SRGAP2C: variants seen among roughly 807,000 people sequenced by gnomAD.
The protein encoded by SRGAP2C is SLIT-ROBO Rho GTPase activating protein 2C, also known as SLIT-ROBO Rho GTPase-activating protein 2C.
SRGAP2C carries 15 observed loss-of-function variants against 25.1 expected under a neutral mutation model. The observed-to-expected ratio is 0.60, with a 90% CI of 0.40 to 0.92. The LOEUF is 0.92. Among genes scored for constraint, SRGAP2C ranks in the 40% least tolerant of loss-of-function variants. SRGAP2C has a pLI of 0.00. For synonymous variants in SRGAP2C, 44 were observed against 96.6 expected, an observed-to-expected ratio of 0.46 and a Z score of 3.19; for missense variants, 144 against 264.4, an observed-to-expected ratio of 0.54 and a Z score of 3.16.
At chr1:121,258,174 A>G (rs1656525161) in intron 2 of SRGAP2C, among the ~76,000 whole-genome samples, 1 of 151,272 alleles carries the variant, frequency 6.6e-6, no homozygotes, top group Admixed American at 6.6e-5. Flanking sequence ...GTGGCCTGAA[A>G]TCCTTTCTGG....
chr1:121,328,447 T>G (rs1658360828), intron 4 of SRGAP2C, among the ~76,000 whole-genome samples: 1 of 152,176 alleles, frequency 6.6e-6, no homozygotes, highest in South Asian at 2.1e-4. Context: ...GAAGTCATTA[T>G]ATTTTGAACC....
chr1:121,191,647 G>T lies in SRGAP2C; in HGVS notation c.67+4134G>T, dbSNP rs1654680447. Among the ~76,000 whole-genome samples, 6 of 151,872 alleles carry T rather than the reference G, an allele frequency of 4.0e-5. No homozygotes were observed. In the South Asian group the frequency reaches 1.0e-3, roughly 26 times the overall value. On this transcript the variant is annotated intron_variant, in intron 2 of 9. Transcript: ENST00000367123. ...TAAGGTGCAGGGCATGGTTACCAGGGTTGTGAATCTGGGTGGTATTTGGGT... is the reference window on the plus strand; with the variant it reads ...TAAGGTGCAGGGCATGGTTACCAGGTTTGTGAATCTGGGTGGTATTTGGGT...
At position 121,392,241 on chromosome 1, in the gene SRGAP2C, G is replaced by A. The variant is rs1373041286; in HGVS notation, c.*4386G>A. 1 of 152,158 alleles carries A rather than the reference G, an allele frequency of 6.6e-6. No homozygotes were observed. Among genetic ancestry groups the A allele is most frequent in the African/African-American group, 2.4e-5 (1 of 41,452 alleles). The allele number at this position is 152,158 out of a possible 1,614,324, so 9.4% of individuals were successfully genotyped here. A position where few individuals can be genotyped will look rare whatever the true frequency, so the allele number is the denominator to read the frequency against. On this transcript the variant is annotated 3_prime_UTR_variant, in exon 10 of 10. Coordinates refer to ENST00000367123, the MANE Select transcript of SRGAP2C (RefSeq NM_001329984.2). ...TTCATATTCTAGAAGGATAAATTAT[G>A]TTGTTAAAAAGTTTACCATTCTTTC... is the stretch of plus-strand genomic sequence containing the variant.
Position 121,365,428 on chromosome 1 carries a change from C to T in SRGAP2C, c.486+73C>T, listed in dbSNP as rs1659294078. ...CATTTGGCAGCTTGCAGCCATAGTA[C>T]ATCAGCAACAGAACTGAACTGAGGT... On this transcript the variant is annotated intron_variant, in intron 5 of 9. Coordinates refer to ENST00000367123, the MANE Select transcript of SRGAP2C (RefSeq NM_001329984.2). 2 of 458,594 alleles carry T rather than the reference C, an allele frequency of 4.4e-6. 1 individual carries two copies. The highest frequency in any genetic ancestry group is 7.5e-6 in the Non-Finnish European group (2 of 266,898). 28.4% of individuals were successfully genotyped at this position (458,594 alleles called of 1,614,324 possible).
chr1:121,213,934 A>G (rs587702587), intron 2 of SRGAP2C, among the ~76,000 whole-genome samples: 1 of 143,560 alleles, frequency 7.0e-6, no homozygotes, highest in South Asian at 2.1e-4. Flanking sequence ...TTGTGCTTTT[A>G]AAAATGGGTC....
At chr1:121,328,223 A>T (rs1392968320) in intron 4 of SRGAP2C, among the ~76,000 whole-genome samples, 1 of 151,878 alleles carries the variant, frequency 6.6e-6, no homozygotes, top group African/African-American at 2.4e-5. Flanking sequence ...CATAAAATAG[A>T]TATGTTTTAC....
chr1:121,376,977 A>T (rs1252676765), intron 7 of SRGAP2C, among the ~76,000 whole-genome samples: 1 of 151,406 alleles, frequency 6.6e-6, no homozygotes, highest in African/African-American at 2.4e-5. Flanking sequence ...CGAAATACTG[A>T]TCTCAGGGGA....
intron 2 of SRGAP2C, among the ~76,000 whole-genome samples, chr1:121,222,851 G>A (rs1226702173): frequency 4.6e-5 from 7 of 151,160 alleles, no homozygotes; most frequent in African/African-American, 7.3e-5. Flanking sequence ...GTAGAGCAGA[G>A]GAGCTAAACG....
intron 4 of SRGAP2C, among the ~76,000 whole-genome samples, chr1:121,336,097 A>G (rs1440934002): frequency 6.6e-6 from 1 of 152,174 alleles, no homozygotes; most frequent in Non-Finnish European, 1.5e-5. Flanking sequence ...CAAGATGTTT[A>G]TCAAGCCCCT....
chr1:121,278,211 T>C (rs1418411930), intron 2 of SRGAP2C, among the ~76,000 whole-genome samples: 5 of 151,962 alleles, frequency 3.3e-5, no homozygotes, highest in African/African-American at 9.7e-5. Context: ...CTTCCCAAAG[T>C]CCTGGGATTA....
intron 2 of SRGAP2C, among the ~76,000 whole-genome samples, chr1:121,261,094 ATT>A (rs1211026484): frequency 0.028 from 737 of 25,970 alleles, no homozygotes; most frequent in Middle Eastern, 0.056. Context: ...ACACCTGGCT[ATT>A]TTTTTTTTTT....
chr1:121,328,889 T>TAAAAA (rs1300958463), intron 4 of SRGAP2C, among the ~76,000 whole-genome samples: 12 of 75,198 alleles, frequency 1.6e-4, no homozygotes, highest in African/African-American at 4.6e-4. Flanking sequence ...CCTGTCTGTT[T>TAAAAA]AAAAAAAAAA....
intron 3 of SRGAP2C, among the ~76,000 whole-genome samples, chr1:121,306,102 C>A (rs1553339394): frequency 6.6e-6 from 1 of 152,102 alleles, no homozygotes; most frequent in Non-Finnish European, 1.5e-5. Context: ...AAGGCTGGGA[C>A]CTCTGTGTCT....
At chr1:121,222,067 G>T (rs1655540380) in intron 2 of SRGAP2C, among the ~76,000 whole-genome samples, 2 of 151,776 alleles carry the variant, frequency 1.3e-5, no homozygotes, top group South Asian at 4.2e-4. Flanking sequence ...AAAACCTCTG[G>T]CCTTAGAGGC....
At chr1:121,263,322 T>C (rs1656674997) in intron 2 of SRGAP2C, among the ~76,000 whole-genome samples, 1 of 146,932 alleles carries the variant, frequency 6.8e-6, no homozygotes, top group Non-Finnish European at 1.5e-5. Context: ...AGACTCTGTC[T>C]CAAAAAACAA....
rs376507634 is a variant in SRGAP2C, at chr1:121,383,128, G to T, written c.1056+203G>T. ...CTCGGGCTTGGGTGCAGACATGGGG[G>T]ATTAAAGCCCTCGGGGAGCTTACAG... On this transcript the variant is annotated intron_variant, in intron 8 of 9. Coordinates refer to ENST00000367123, the MANE Select transcript of SRGAP2C (RefSeq NM_001329984.2). 6.6e-3 allele frequency among the ~76,000 whole-genome samples: 986 copies of T among 150,250 alleles called. 18 individuals are homozygous for T. The highest frequency in any genetic ancestry group is 0.055 in the East Asian group (278 of 5,046).
rs587636965 is a variant in SRGAP2C at position 121,378,056 on chromosome 1, T to C, written c.831+3102T>C. ...AAGATCTCAGTCTCATCTGTTAAGT[T>C]CTGTGAGAGCAGGAACCAAGAGTTT... On this transcript the variant is annotated intron_variant, in intron 7 of 9. Transcript: ENST00000367123. Among the ~76,000 whole-genome samples the C allele has an allele frequency of 7.3e-5, 11 of 151,142 alleles. No individual in the cohort carries two copies. The East Asian group carries it at 9.9e-4, about 14-fold the overall frequency.
chr1:121,285,396 T>G, intron 3 of SRGAP2C, among the ~76,000 whole-genome samples: 1 of 66,762 alleles, frequency 1.5e-5, no homozygotes, highest in African/African-American at 4.8e-5. Flanking sequence ...TCTCTGTCTC[T>G]CTCTCTCTCA....
At chr1:121,372,197 G>T (rs1362784558) in intron 5 of SRGAP2C, among the ~76,000 whole-genome samples, 2 of 152,020 alleles carry the variant, frequency 1.3e-5, no homozygotes, top group Admixed American at 6.6e-5. Context: ...GATTTTGTCA[G>T]TGTCCCAGTA....
Sources: allele counts gnomAD v4.1 joint callset (sites outside exome capture counted in the v4.1 genomes callset), GRCh38; gene constraint gnomAD v4.1.1; transcripts MANE v1.5; gene names NCBI Gene and HGNC (gene_info 2026-07-23, HGNC 2026-07-21).